SPMIP10: variants seen among roughly 807,000 people sequenced by gnomAD.
The protein encoded by SPMIP10 is sperm-associated microtubule inner protein 10.
At chr5:126,634,754 A>C in the SPMIP10 span, among the ~76,000 whole-genome samples, 3 of 152,206 alleles carry the variant, frequency 2.0e-5, no homozygotes, top group Non-Finnish European at 2.9e-5. Context: ...TAAGTGAATT[A>C]AGTAAAGTGA....
the SPMIP10 span, among the ~76,000 whole-genome samples, chr5:126,633,708 A>G: frequency 3.9e-5 from 6 of 152,090 alleles, no homozygotes; most frequent in Non-Finnish European, 7.4e-5. Flanking sequence ...TCACCCAGAC[A>G]GGAGTGCAAT....
chr5:126,633,006 T>TAC, the SPMIP10 span, among the ~76,000 whole-genome samples: 1 of 120,470 alleles, frequency 8.3e-6, no homozygotes, highest in South Asian at 2.7e-4. Context: ...AAATAAATTT[T>TAC]ACATATATAT....
At chr5:126,634,032 A>T in the SPMIP10 span, among the ~76,000 whole-genome samples, 1 of 152,182 alleles carries the variant, frequency 6.6e-6, no homozygotes, top group Admixed American at 6.6e-5. Context: ...AGATAGTGAG[A>T]CCATTCTTCA....
chr5:126,636,032 C>A, the SPMIP10 span: 4 of 1,610,256 alleles, frequency 2.5e-6, no homozygotes, highest in South Asian at 4.4e-5. Flanking sequence ...TTTCTCTTAG[C>A]AAGCAGAAGT....
the SPMIP10 span, among the ~76,000 whole-genome samples, chr5:126,632,968 CA>C: frequency 7.0e-6 from 1 of 142,692 alleles, no homozygotes; most frequent in Admixed American, 6.9e-5. Flanking sequence ...GCCTGGGCAA[CA>C]GAGCTAGACT....
At chr5:126,633,008 C>CATATACATATATATATATATAT in the SPMIP10 span, among the ~76,000 whole-genome samples, 18 of 125,330 alleles carry the variant, frequency 1.4e-4, no homozygotes, top group South Asian at 3.1e-3. Flanking sequence ...ATAAATTTTA[C>CATATACATATATATATATATAT]ATATATATAT....
chr5:126,633,387 G>A, the SPMIP10 span, among the ~76,000 whole-genome samples: 8 of 152,178 alleles, frequency 5.3e-5, no homozygotes, highest in African/African-American at 1.9e-4. Flanking sequence ...TGGAGACAGG[G>A]TCTCGCTCTG....
At chr5:126,633,931 T>TA in the SPMIP10 span, among the ~76,000 whole-genome samples, 5 of 152,058 alleles carry the variant, frequency 3.3e-5, no homozygotes, top group African/African-American at 1.2e-4. Flanking sequence ...AGTGCTAGGA[T>TA]TACAGGCATG....
the SPMIP10 span, chr5:126,635,884 A>G: frequency 2.8e-6 from 2 of 703,148 alleles, no homozygotes; most frequent in East Asian, 5.0e-5. Context: ...CTGGTCTCAA[A>G]TTCCTGAGCT....
chr5:126,633,295 T>C, the SPMIP10 span, among the ~76,000 whole-genome samples: 1 of 152,102 alleles, frequency 6.6e-6, no homozygotes, highest in East Asian at 1.9e-4. Flanking sequence ...ATGGGAATAT[T>C]TTGGCTAGTT....
the SPMIP10 span, chr5:126,632,575 C>T: frequency 1.2e-6 from 2 of 1,610,500 alleles, no homozygotes; most frequent in South Asian, 1.1e-5. Context: ...CCACGATTTT[C>T]ATTAAAGCAA....
the SPMIP10 span, chr5:126,636,020 C>A: frequency 1.2e-6 from 2 of 1,603,216 alleles, no homozygotes; most frequent in Non-Finnish European, 1.7e-6. Context: ...AGAAGATTTT[C>A]TTTTCTCTTA....
chr5:126,632,368 C>G, the SPMIP10 span, among the ~76,000 whole-genome samples: 1 of 148,956 alleles, frequency 6.7e-6, no homozygotes, highest in Non-Finnish European at 1.5e-5. Flanking sequence ...CTGACTTGAT[C>G]TTGCTGATAC....
At chr5:126,631,803 C>T in the SPMIP10 span, 1 of 1,608,878 alleles carries the variant, frequency 6.2e-7, no homozygotes, top group African/African-American at 1.3e-5. Flanking sequence ...ATGAGAGTCT[C>T]TATAAATCTG....
the SPMIP10 span, among the ~76,000 whole-genome samples, chr5:126,633,005 T>TTACATA: frequency 5.3e-5 from 5 of 93,618 alleles, no homozygotes; most frequent in African/African-American, 4.4e-4. Context: ...TAAATAAATT[T>TTACATA]TACATATATA....
At chr5:126,633,150 C>A in the SPMIP10 span, among the ~76,000 whole-genome samples, 1 of 151,370 alleles carries the variant, frequency 6.6e-6, no homozygotes, top group African/African-American at 2.4e-5. Flanking sequence ...TAATTATATA[C>A]CGAAGAATTT....
the SPMIP10 span, among the ~76,000 whole-genome samples, chr5:126,633,032 T>TATATATATATATATATATATATAA: frequency 1.6e-4 from 23 of 146,484 alleles, no homozygotes; most frequent in African/African-American, 3.3e-4. Flanking sequence ...TATATATATA[T>TATATATATATATATATATATATAA]AATTTAGTAT....
chr5:126,631,860 T>C, the SPMIP10 span: 3 of 1,293,632 alleles, frequency 2.3e-6, no homozygotes, highest in African/African-American at 4.4e-5. Flanking sequence ...TGTTTGCTTG[T>C]TTTGCAACCT....
chr5:126,631,986 G>T, the SPMIP10 span, among the ~76,000 whole-genome samples: 1 of 152,080 alleles, frequency 6.6e-6, no homozygotes, highest in African/African-American at 2.4e-5. Context: ...CCTGAGTGTA[G>T]AGCATACATA....
Sources: gnomAD v4.1 joint callset for allele counts (sites outside exome capture counted in the v4.1 genomes callset) on GRCh38, gnomAD v4.1.1 for gene constraint, MANE v1.5 for transcripts, NCBI Gene and HGNC (gene_info 2026-07-23, HGNC 2026-07-21) for gene names.